The following ULK4 variants were observed in gnomAD, a reference collection of about 807,000 sequenced individuals.
ULK4 encodes the protein unc-51 like kinase 4.
ULK4 carries 133 observed loss-of-function variants against 160.6 expected under a neutral mutation model. That is an observed-to-expected ratio of 0.83 (90% confidence interval 0.72 to 0.96). ULK4 has a LOEUF of 0.96. ULK4 is among the 40% of genes least tolerant of loss of function. ULK4 has a pLI of 0.00. For synonymous variants in ULK4, 534 were observed against 539.8 expected (o/e 0.99, Z 0.15); for missense variants, 1,580 against 1,499.5 (o/e 1.05, Z -0.89).
intron 20 of ULK4, among the ~76,000 whole-genome samples, chr3:41,790,624 G>A (rs1469065696): frequency 6.6e-6 from 1 of 152,172 alleles, no homozygotes; most frequent in African/African-American, 2.4e-5. Context: ...ATTCAAACTT[G>A]AGAGAATAGA....
chr3:41,537,590 G>T (rs1575378231), intron 32 of ULK4, among the ~76,000 whole-genome samples: 1 of 152,148 alleles, frequency 6.6e-6, no homozygotes. Flanking sequence ...AACTCATGGG[G>T]TTCTGGTAGC....
At chr3:41,313,274 G>T (rs2080084803) in intron 35 of ULK4, among the ~76,000 whole-genome samples, 1 of 152,142 alleles carries the variant, frequency 6.6e-6, no homozygotes, top group African/African-American at 2.4e-5. Flanking sequence ...GTAATGTAGG[G>T]TTATCTAAAG....
At chr3:41,354,878 G>A (rs576847172) in intron 35 of ULK4, among the ~76,000 whole-genome samples, 1 of 152,318 alleles carries the variant, frequency 6.6e-6, no homozygotes, top group African/African-American at 2.4e-5. Flanking sequence ...TTATTTCAGA[G>A]ATCCAGAATG....
At chr3:41,485,318 G>A (rs937331) in intron 32 of ULK4, among the ~76,000 whole-genome samples, 68,107 of 151,970 alleles carry the variant, frequency 0.45, 15,825 homozygotes, top group African/African-American at 0.57. Flanking sequence ...CAACACCCAG[G>A]TATGTTTAAA....
intron 34 of ULK4, among the ~76,000 whole-genome samples, chr3:41,426,408 T>C (rs2082776382): frequency 6.6e-6 from 1 of 152,212 alleles, no homozygotes; most frequent in Admixed American, 6.5e-5. Context: ...AATTCAGCTC[T>C]GAATCAAATG....
At chr3:41,732,034 A>G (rs2037844860) in intron 22 of ULK4, among the ~76,000 whole-genome samples, 1 of 152,186 alleles carries the variant, frequency 6.6e-6, no homozygotes, top group Non-Finnish European at 1.5e-5. Flanking sequence ...AAACTGCTAG[A>G]AGAATACATA....
intron 30 of ULK4, among the ~76,000 whole-genome samples, chr3:41,642,667 T>A (rs28808370): frequency 2.6e-5 from 4 of 152,176 alleles, no homozygotes; most frequent in Non-Finnish European, 4.4e-5. Flanking sequence ...CATGTGTCTT[T>A]ATAGCAGCAT....
At position 41,858,509 on chromosome 3, in the gene ULK4, A is replaced by G. The variant is rs1335899683; in HGVS notation, c.1657-22538T>C. 1.2e-4 allele frequency among the ~76,000 whole-genome samples: 15 copies of G among 124,508 alleles called. No homozygotes were observed. In the East Asian group the frequency reaches 3.5e-3, roughly 29 times the overall value. 81.7% of individuals were successfully genotyped at this position (124,508 alleles called of 152,430 possible). Reference sequence around the variant, plus strand: ...ATCATTTGTTTCCAGAAATTTTTCAATTTTTTTTTTTTTTTTTTTTGAAAC... The same window carrying G: ...ATCATTTGTTTCCAGAAATTTTTCAGTTTTTTTTTTTTTTTTTTTTGAAAC... On this transcript the variant is annotated intron_variant, in intron 17 of 36. Coordinates refer to ENST00000301831, the MANE Select transcript of ULK4 (RefSeq NM_017886.4).
intron 30 of ULK4, among the ~76,000 whole-genome samples, chr3:41,659,280 T>C (rs923711450): frequency 5.3e-5 from 8 of 152,210 alleles, no homozygotes; most frequent in Admixed American, 3.3e-4. Context: ...TATTCATGGC[T>C]GCACTATTCA....
At chr3:41,367,267 T>G (rs1190390878) in intron 35 of ULK4, among the ~76,000 whole-genome samples, 1 of 152,198 alleles carries the variant, frequency 6.6e-6, no homozygotes, top group Non-Finnish European at 1.5e-5. Context: ...CGCTTTGATT[T>G]TCTTGGGGAT....
chr3:41,480,755 G>A (rs531043269), intron 32 of ULK4, among the ~76,000 whole-genome samples: 1 of 152,280 alleles, frequency 6.6e-6, no homozygotes, highest in East Asian at 1.9e-4. Flanking sequence ...TAGTTTCACA[G>A]GGCTGGGGAG....
At chr3:41,321,368 T>C (rs1575430066) in intron 35 of ULK4, among the ~76,000 whole-genome samples, 1 of 152,168 alleles carries the variant, frequency 6.6e-6, no homozygotes, top group Non-Finnish European at 1.5e-5. Flanking sequence ...AGTGGCTGGA[T>C]TGGTGTAGCA....
chr3:41,659,778 G>T (rs1429144166), intron 30 of ULK4, among the ~76,000 whole-genome samples: 1 of 151,892 alleles, frequency 6.6e-6, no homozygotes, highest in Non-Finnish European at 1.5e-5. Flanking sequence ...ACATTTATGA[G>T]AGTATTCATT....
intron 35 of ULK4, among the ~76,000 whole-genome samples, chr3:41,278,362 C>T (rs1266998826): frequency 6.6e-6 from 1 of 152,226 alleles, no homozygotes; most frequent in Non-Finnish European, 1.5e-5. Flanking sequence ...CCCCTGTGGG[C>T]AGGGCATAGC....
chr3:41,530,946 T>A (rs1308343788), intron 32 of ULK4, among the ~76,000 whole-genome samples: 1 of 151,338 alleles, frequency 6.6e-6, no homozygotes, highest in African/African-American at 2.4e-5. Flanking sequence ...GTATTTTTAG[T>A]AGAGACGGGG....
chr3:41,891,632 C>T (rs554927049), intron 16 of ULK4, among the ~76,000 whole-genome samples: 17 of 152,224 alleles, frequency 1.1e-4, no homozygotes, highest in Middle Eastern at 3.4e-3. Flanking sequence ...AACAGCCAGG[C>T]GCGGTGGCTC....
chr3:41,849,878 A>G (rs1393146641), intron 17 of ULK4, among the ~76,000 whole-genome samples: 1 of 152,142 alleles, frequency 6.6e-6, no homozygotes, highest in Non-Finnish European at 1.5e-5. Context: ...TTTGTTACAT[A>G]TGTATACATG....
At chr3:41,531,701 C>G (rs995526063) in intron 32 of ULK4, among the ~76,000 whole-genome samples, 20 of 151,884 alleles carry the variant, frequency 1.3e-4, no homozygotes, top group Non-Finnish European at 1.5e-5. Context: ...ACCAAAACAA[C>G]AAATATTGTT....
intron 32 of ULK4, among the ~76,000 whole-genome samples, chr3:41,490,594 T>G (rs1000607725): frequency 1.3e-5 from 2 of 152,344 alleles, no homozygotes; most frequent in South Asian, 4.1e-4. Context: ...TCCTTTCACA[T>G]AAAATGTTTT....
Sources: gnomAD v4.1 joint callset for allele counts (sites outside exome capture counted in the v4.1 genomes callset) on GRCh38, gnomAD v4.1.1 for gene constraint, MANE v1.5 for transcripts, NCBI Gene and HGNC (gene_info 2026-07-23, HGNC 2026-07-21) for gene names.